The following JAKMIP3 variants were observed in gnomAD, a reference collection of about 807,000 sequenced individuals.
JAKMIP3 encodes the protein Janus kinase and microtubule interacting protein 3.
JAKMIP3 carries 58 observed loss-of-function variants against 118.5 expected under a neutral mutation model. That is an observed-to-expected ratio of 0.49 (90% CI 0.40 to 0.61). The LOEUF (loss-of-function observed/expected upper bound fraction) is 0.61, where lower values mean the gene tolerates loss of function less well. Ranked by LOEUF, JAKMIP3 falls within the 20% of genes least tolerant of loss-of-function variation. The pLI is 0.00. For missense variants in JAKMIP3, 950 were observed against 1,109.0 expected, an observed-to-expected ratio of 0.86 and a Z score of 2.04; for synonymous variants, 486 against 451.2, an observed-to-expected ratio of 1.08 and a Z score of -0.98.
At chr10:132,108,160 AGGG>A (rs1294648615) in intron 2 of JAKMIP3, among the ~76,000 whole-genome samples, 1 of 152,156 alleles carries the variant, frequency 6.6e-6, no homozygotes, top group African/African-American at 2.4e-5. Context: ...CATCTCTGCC[AGGG>A]GGTTCTTTCT....
At chr10:132,129,925 G>A (rs1036469099) in intron 3 of JAKMIP3, among the ~76,000 whole-genome samples, 2 of 143,176 alleles carry the variant, frequency 1.4e-5, no homozygotes, top group Admixed American at 7.3e-5. Flanking sequence ...ATTCCAGCAC[G>A]AGACCACCAA....
intron 1 of JAKMIP3, among the ~76,000 whole-genome samples, chr10:132,100,906 C>T (rs2044782925): frequency 6.6e-6 from 1 of 152,212 alleles, no homozygotes; most frequent in Non-Finnish European, 1.5e-5. Flanking sequence ...GAGCTTGCCG[C>T]AGACCCCAGC....
chr10:132,041,492 G>A (rs2037745755), intron 1 of JAKMIP3, among the ~76,000 whole-genome samples: 1 of 152,236 alleles, frequency 6.6e-6, no homozygotes, highest in Admixed American at 6.5e-5. Flanking sequence ...TAAACACCAG[G>A]AGCCAGTGTG....
chr10:132,081,040 A>G (rs7924286), intron 1 of JAKMIP3, among the ~76,000 whole-genome samples: 118,198 of 152,142 alleles, frequency 0.78, 47,214 homozygotes, highest in East Asian at 1. Context: ...GTGTCATGAA[A>G]CTTTTGCCTT....
intron 1 of JAKMIP3, among the ~76,000 whole-genome samples, chr10:132,094,801 G>A (rs1299832507): frequency 6.6e-6 from 1 of 151,938 alleles, no homozygotes; most frequent in African/African-American, 2.4e-5. Flanking sequence ...ACTCCTAAGA[G>A]TATATGCCTT....
At chr10:132,105,008 G>A in intron 2 of JAKMIP3, 65 bp downstream of exon 2, 1 of 1,529,662 alleles carries the variant, frequency 6.5e-7, no homozygotes, top group South Asian at 1.2e-5. Flanking sequence ...GGGCCCAGAG[G>A]CTCTTCCTGG....
intron 3 of JAKMIP3, among the ~76,000 whole-genome samples, chr10:132,122,182 C>T (rs1031690303): frequency 2.0e-5 from 3 of 152,244 alleles, no homozygotes; most frequent in African/African-American, 7.2e-5. Context: ...CCCAGCCCCC[C>T]TGGTCGGCTC....
chr10:132,037,266 C>A (rs966838838), intron 1 of JAKMIP3, among the ~76,000 whole-genome samples: 2 of 152,124 alleles, frequency 1.3e-5, no homozygotes, highest in Admixed American at 6.5e-5. Flanking sequence ...CGTGTACCCG[C>A]GACCTTGCCT....
At chr10:132,099,241 A>G (rs1025657115) in intron 1 of JAKMIP3, among the ~76,000 whole-genome samples, 1 of 152,100 alleles carries the variant, frequency 6.6e-6, no homozygotes, top group African/African-American at 2.4e-5. Flanking sequence ...CGTCAGCGAC[A>G]CTGAGGTTCA....
In JAKMIP3 at chr10:132,180,782, T is replaced by TGTGTGTGTGCGCGCGC. The variant is rs1554963508; in HGVS notation, c.*1104-1574_*1104-1573insTGTGTGTGCGCGCGCG. On this transcript the variant is annotated intron_variant, in intron 23 of 23. Transcript: ENST00000684848. Reference sequence around the variant, plus strand: ...GTGCGTGTGTGTGCGTGTGTGTGTGTGCGCGTATGCATGTGCTGTGAGTGG... The same window carrying TGTGTGTGTGCGCGCGC: ...GTGCGTGTGTGTGCGTGTGTGTGTGTGTGTGTGTGCGCGCGCGCGCGTATGCATGTGCTGTGAGTGG... 4.9e-5 allele frequency among the ~76,000 whole-genome samples: 3 copies of TGTGTGTGTGCGCGCGC among 60,610 alleles called. 1 individual carries two copies. The highest frequency in any genetic ancestry group is 2.4e-4 in the African/African-American group (3 of 12,378). 39.8% of individuals were successfully genotyped at this position (60,610 alleles called of 152,430 possible).
chr10:132,115,279 AG>A (rs958752315), intron 2 of JAKMIP3, among the ~76,000 whole-genome samples: 3 of 121,092 alleles, frequency 2.5e-5, no homozygotes, highest in Non-Finnish European at 5.5e-5. Flanking sequence ...GATCGCGGCT[AG>A]GGGTCACCCT....
chr10:132,040,204 G>A (rs900463493), intron 1 of JAKMIP3, among the ~76,000 whole-genome samples: 1 of 152,192 alleles, frequency 6.6e-6, no homozygotes, highest in Non-Finnish European at 1.5e-5. Flanking sequence ...TACAAGAAGG[G>A]ACATGGGATC....
chr10:132,074,610 A>G (rs1166044991), intron 1 of JAKMIP3, among the ~76,000 whole-genome samples: 1 of 151,770 alleles, frequency 6.6e-6, no homozygotes, highest in Admixed American at 6.6e-5. Context: ...GTTTGCAGAT[A>G]TTTTCTCCCA....
chr10:132,082,851 C>T (rs1406045932), intron 1 of JAKMIP3, among the ~76,000 whole-genome samples: 7 of 152,332 alleles, frequency 4.6e-5, no homozygotes, highest in South Asian at 4.1e-4. Flanking sequence ...CCTCGTGATC[C>T]GCCCGCCTTG....
At position 132,168,491 on chromosome 10, in the gene JAKMIP3, C is replaced by A; in HGVS notation, c.*561C>A. ...GCTCCCCGACGCCTCAGGGGCCCCT[C>A]CGATGCTGCAATATGTTGCTGGGGT... On this transcript the variant is annotated 3_prime_UTR_variant, in exon 23 of 24. Transcript: ENST00000684848. 1.1e-6 allele frequency: 1 copy of A among 885,916 alleles called. No individual in the cohort carries two copies. The highest frequency in any genetic ancestry group is 1.5e-6 in the Non-Finnish European group (1 of 649,450). The allele number at this position is 885,916 out of a possible 1,614,324, so 54.9% of individuals were successfully genotyped here.
rs1410002642 is a variant in JAKMIP3 at position 132,180,716 on chromosome 10, T to TGCGC, written c.*1104-1640_*1104-1639insCGCG. Among the ~76,000 whole-genome samples, 13 of 25,172 alleles carry TGCGC rather than the reference T, an allele frequency of 5.2e-4. 4 individuals carry two copies. The East Asian group carries it at 0.035, about 68-fold the overall frequency. 16.5% of individuals were successfully genotyped at this position (25,172 alleles called of 152,430 possible). On this transcript the variant is annotated intron_variant, in intron 23 of 23. Coordinates refer to ENST00000684848, the MANE Select transcript of JAKMIP3 (RefSeq NM_001323087.2). ...GCGTGCGTGTGTGTGTGCGCGTGTG[T>TGCGC]GTGCGTGTGTGTGCGTGTGTGCGTG...
In JAKMIP3 at chr10:132,133,417, G is replaced by C; in HGVS notation, c.739G>C (p.Asp247His). ...ACTGCAGCTCCAAAAAGAGGCTCTA[G>C]ATGAGCAGCTGTCCCAGGTCCGAGA... ...QRLQLQKEAL[D>H]EQLSQVREAD... is the part of the protein sequence containing the mutation. Residue 247 changes from aspartate to histidine, a missense_variant, in exon 4 of 24, where the codon GAT (aspartate) becomes CAT (histidine). By Grantham distance (81) the Asp-to-His change is moderately conservative (BLOSUM62 -1). Coordinates refer to ENST00000684848, the MANE Select transcript of JAKMIP3 (RefSeq NM_001323087.2). The C allele has an allele frequency of 6.3e-7, 1 of 1,595,866 alleles. No individual in the cohort carries two copies. The highest frequency in any genetic ancestry group is 8.5e-7 in the Non-Finnish European group (1 of 1,171,532).
chr10:132,147,862 G>A lies in JAKMIP3; in HGVS notation c.1750-90G>A, dbSNP rs141003340. On this transcript the variant is annotated intron_variant, in intron 13 of 23. Transcript: ENST00000684848. ...GGCCAGCCGGCCTCCCCGGCAGCCAGCAGCTGTCCCGTCAGCCTGGAGTTG... is the reference window on the plus strand; with the variant it reads ...GGCCAGCCGGCCTCCCCGGCAGCCAACAGCTGTCCCGTCAGCCTGGAGTTG... 721 of 922,804 alleles carry A rather than the reference G, an allele frequency of 7.8e-4. 1 individual carries two copies. The highest frequency in any genetic ancestry group is 1.1e-3 in the Non-Finnish European group (661 of 604,592). 57.2% of individuals were successfully genotyped at this position (922,804 alleles called of 1,614,324 possible). A position where few individuals can be genotyped will look rare whatever the true frequency, so the allele number is the denominator to read the frequency against.
At chr10:132,040,397 C>T (rs946249514) in intron 1 of JAKMIP3, among the ~76,000 whole-genome samples, 8 of 152,178 alleles carry the variant, frequency 5.3e-5, no homozygotes, top group African/African-American at 1.9e-4. Flanking sequence ...AGGGCCCTCC[C>T]CTCGCTCCGT....
Sources: allele counts gnomAD v4.1 joint callset (sites outside exome capture counted in the v4.1 genomes callset), GRCh38; gene constraint gnomAD v4.1.1; transcripts MANE v1.5; gene names NCBI Gene and HGNC (gene_info 2026-07-23, HGNC 2026-07-21).